ISM1: variants seen among roughly 807,000 people sequenced by gnomAD.
ISM1 encodes the protein isthmin-1.
In ISM1, 25 loss-of-function variants were observed where a neutral mutation model predicts 46.3. The ratio of observed to expected loss-of-function variants is 0.54; its 90% CI spans 0.39 to 0.75. The LOEUF is 0.75. ISM1 is among the 30% of genes least tolerant of loss of function. The probability of loss-of-function intolerance (pLI) is 0.00; values close to 1 mark genes in which losing one functional copy is unlikely to be tolerated. For synonymous variants in ISM1, 255 were observed against 256.7 expected (o/e 0.99, Z 0.06); for missense variants, 536 against 625.4 (o/e 0.86, Z 1.52).
chr20:13,311,272 G>GATAGAAAAA, the ISM1 span, among the ~76,000 whole-genome samples: 1 of 151,236 alleles, frequency 6.6e-6, no homozygotes. Context: ...TAGATAGATA[G>GATAGAAAAA]ATAGATAGAT....
intron 1 of ISM1, among the ~76,000 whole-genome samples, chr20:13,232,107 G>A (rs910930606): frequency 2.6e-5 from 4 of 152,212 alleles, no homozygotes; most frequent in African/African-American, 9.6e-5. Flanking sequence ...CTGGGAGATG[G>A]CAGTGAGGAC....
At chr20:13,326,349 G>T in the ISM1 span, among the ~76,000 whole-genome samples, 33 of 152,230 alleles carry the variant, frequency 2.2e-4, no homozygotes, top group Admixed American at 2.0e-3. Flanking sequence ...GGACCGTTGG[G>T]TCATGTAGTA....
At chr20:13,251,280 C>T (rs2039865520) in intron 1 of ISM1, among the ~76,000 whole-genome samples, 1 of 152,158 alleles carries the variant, frequency 6.6e-6, no homozygotes, top group South Asian at 2.1e-4. Flanking sequence ...GCATTGAATT[C>T]TGGCAGTGGA....
At chr20:13,279,561 C>A in intron 2 of ISM1, 73 bp from the exon 3 acceptor site, 2 of 1,461,050 alleles carry the variant, frequency 1.4e-6, no homozygotes, top group Non-Finnish European at 1.9e-6. Context: ...CCCTCTCAGA[C>A]TTTCTTCCAA....
At chr20:13,272,821 A>G (rs926291530) in intron 2 of ISM1, among the ~76,000 whole-genome samples, 3 of 152,230 alleles carry the variant, frequency 2.0e-5, no homozygotes, top group African/African-American at 7.2e-5. Context: ...CTTGTTTCCT[A>G]TCATGGCTCA....
At position 13,294,083 on chromosome 20, in the gene ISM1, C is replaced by T. The variant is rs531888800; in HGVS notation, c.877+1620C>T. On this transcript the variant is annotated intron_variant, in intron 5 of 5. Transcript: ENST00000262487. The stretch of plus-strand genomic sequence containing the variant: ...AAATGAAAAGCTTTATCCAAAGGGT[C>T]GGCCATGATGTGGCCGCCATGGAAT... 5.9e-5 allele frequency among the ~76,000 whole-genome samples: 9 copies of T among 152,108 alleles called. 1 individual carries two copies. In the South Asian group the frequency reaches 1.5e-3, roughly 25 times the overall value.
At chr20:13,263,025 G>A (rs1019536803) in intron 1 of ISM1, among the ~76,000 whole-genome samples, 2 of 152,160 alleles carry the variant, frequency 1.3e-5, no homozygotes, top group Non-Finnish European at 2.9e-5. Context: ...AGCCCATGAT[G>A]TACCTGTGTC....
chr20:13,268,697 C>T (rs945000252), intron 1 of ISM1, among the ~76,000 whole-genome samples: 4 of 152,144 alleles, frequency 2.6e-5, no homozygotes, highest in Admixed American at 1.3e-4. Flanking sequence ...CATTCAGAGG[C>T]GGTCTCTGAA....
chr20:13,257,979 G>A (rs551853432), intron 1 of ISM1, among the ~76,000 whole-genome samples: 2 of 152,096 alleles, frequency 1.3e-5, no homozygotes, highest in East Asian at 3.9e-4. Context: ...ACTATCTAGG[G>A]GCCTCTCAGC....
At chr20:13,323,629 T>A in the ISM1 span, among the ~76,000 whole-genome samples, 1 of 152,242 alleles carries the variant, frequency 6.6e-6, no homozygotes, top group Non-Finnish European at 1.5e-5. Flanking sequence ...CATACGACTA[T>A]AATTCTCATT....
chr20:13,224,847 T>G (rs531132727), intron 1 of ISM1, among the ~76,000 whole-genome samples: 1 of 141,166 alleles, frequency 7.1e-6, no homozygotes, highest in African/African-American at 2.6e-5. Flanking sequence ...CTTTCTTTTT[T>G]TTTTTTTTTT....
intron 2 of ISM1, among the ~76,000 whole-genome samples, 199 bp from the exon 3 acceptor site, chr20:13,279,435 G>T (rs2040213911): frequency 6.6e-6 from 1 of 152,118 alleles, no homozygotes; most frequent in Non-Finnish European, 1.5e-5. Context: ...CCAACCCAAA[G>T]CCATGTTCCA....
chr20:13,320,369 C>T, the ISM1 span, among the ~76,000 whole-genome samples: 1 of 152,186 alleles, frequency 6.6e-6, no homozygotes, highest in Non-Finnish European at 1.5e-5. Flanking sequence ...GCATTGACTT[C>T]ACACTGTGCT....
chr20:13,273,279 T>C (rs1208879920), intron 2 of ISM1, among the ~76,000 whole-genome samples: 2 of 149,138 alleles, frequency 1.3e-5, no homozygotes, highest in Admixed American at 1.3e-4. Context: ...TTGTCACCTA[T>C]GCTACGGTAC....
chr20:13,254,416 A>T (rs750024196), intron 1 of ISM1, among the ~76,000 whole-genome samples: 9 of 152,124 alleles, frequency 5.9e-5, no homozygotes, highest in Non-Finnish European at 1.2e-4. Flanking sequence ...AGATTCAGAA[A>T]ATGTTCAGAA....
chr20:13,265,545 C>A (rs1283691257), intron 1 of ISM1, among the ~76,000 whole-genome samples: 1 of 152,186 alleles, frequency 6.6e-6, no homozygotes, highest in Non-Finnish European at 1.5e-5. Flanking sequence ...TCGAAAGCTT[C>A]CTTGCTTCTT....
chr20:13,288,607 C>T lies in ISM1; in HGVS notation c.711C>T (p.Asn237=), dbSNP rs752969667. ...SVCSVTCGNG[N]QKRTRSCGYA... ...GCAGCGTCACCTGCGGGAACGGCAA[C>T]CAGAAACGGACCCGGTCTTGTGGCT... The change falls in exon 4 of 6, where the codon AAC becomes AAT. Residue 237 remains asparagine, a synonymous_variant. Coordinates refer to ENST00000262487, the MANE Select transcript of ISM1 (RefSeq NM_080826.2). 1 of 1,613,978 alleles carries T rather than the reference C, an allele frequency of 6.2e-7. No individual in the cohort carries two copies. The highest frequency in any genetic ancestry group is 2.2e-5 in the East Asian group (1 of 44,874).
the ISM1 span, among the ~76,000 whole-genome samples, chr20:13,310,594 T>G: frequency 6.6e-6 from 1 of 152,184 alleles, no homozygotes; most frequent in Non-Finnish European, 1.5e-5. Flanking sequence ...GGAAAAAGGT[T>G]CTGCACAGCT....
chr20:13,253,426 A>G (rs75521221), intron 1 of ISM1, among the ~76,000 whole-genome samples: 1,934 of 152,288 alleles, frequency 0.013, 49 homozygotes, highest in African/African-American at 0.043. Context: ...CTTTTCCAAG[A>G]TAAAAGTGCA....
Sources: gnomAD v4.1 joint callset for allele counts (sites outside exome capture counted in the v4.1 genomes callset) on GRCh38, gnomAD v4.1.1 for gene constraint, MANE v1.5 for transcripts, NCBI Gene and HGNC (gene_info 2026-07-23, HGNC 2026-07-21) for gene names.